The following RUBCN variants were observed in gnomAD, a reference collection of about 807,000 sequenced individuals.
RUBCN encodes run domain Beclin-1-interacting and cysteine-rich domain-containing protein.
RUBCN carries 74 observed loss-of-function variants against 113.2 expected under a neutral mutation model. That is an observed-to-expected ratio of 0.65 (90% CI 0.54 to 0.79). The LOEUF is 0.79. Among genes scored for constraint, RUBCN ranks in the 30% least tolerant of loss-of-function variants. The pLI is 0.00. For missense variants in RUBCN, 1,109 were observed against 1,251.7 expected (o/e 0.89, Z 1.72); for synonymous variants, 480 against 490.0 (o/e 0.98, Z 0.27).
chr3:197,677,948 T>G (rs191571931), intron 16 of RUBCN, among the ~76,000 whole-genome samples: 1,061 of 143,358 alleles, frequency 7.4e-3, no homozygotes, highest in Middle Eastern at 0.035. Flanking sequence ...TGTCCTACGC[T>G]CTAACTCGAC....
rs1379570152 is a variant in RUBCN, at chr3:197,673,255, T to G, written c.*1763A>C. Reference sequence around the variant, plus strand: ...AGATCCCAACTTTGAGGCAGAGGAATCAAGGGCAGGGGCCAGTTCCCACAT... The same window carrying G: ...AGATCCCAACTTTGAGGCAGAGGAAGCAAGGGCAGGGGCCAGTTCCCACAT... On this transcript the variant is annotated 3_prime_UTR_variant, in exon 20 of 20. Transcript: ENST00000296343. 1 of 152,320 alleles carries G rather than the reference T, an allele frequency of 6.6e-6. No homozygotes were observed. Among genetic ancestry groups the G allele is most frequent in the African/African-American group, 2.4e-5 (1 of 41,432 alleles). The allele number at this position is 152,320 out of a possible 1,614,324, so 9.4% of individuals were successfully genotyped here.
intron 2 of RUBCN, among the ~76,000 whole-genome samples, chr3:197,707,580 TAAAAAGG>T (rs942205988): frequency 1.3e-5 from 2 of 152,052 alleles, no homozygotes; most frequent in Non-Finnish European, 2.9e-5. Flanking sequence ...ATTGAAGAGT[TAAAAAGG>T]AAAAAGGAAA....
intron 1 of RUBCN, among the ~76,000 whole-genome samples, chr3:197,743,324 T>C (rs1244495350): frequency 6.6e-6 from 1 of 152,002 alleles, no homozygotes; most frequent in Non-Finnish European, 1.5e-5. Context: ...TAGCACAGTG[T>C]CTTGAGTTTC....
Position 197,700,655 on chromosome 3 carries a change from G to T in RUBCN, c.1219C>A (p.Arg407Ser). The change falls in exon 7 of 20, where the codon CGC becomes AGC. Residue 407 changes from arginine to serine, a missense_variant. Physicochemically the swap from Arg to Ser is moderately radical, Grantham distance 110 (BLOSUM62 -1). This residue lies in a region of RUBCN where 736 missense variants were observed against 779.6 expected (regional missense o/e 0.94). Transcript: ENST00000296343. ...GCAATGCTGGTATCCGAATGGGAGCGAATGTGGCTTTTCTTTGCCCCACTG... is the reference window on the plus strand; with the variant it reads ...GCAATGCTGGTATCCGAATGGGAGCTAATGTGGCTTTTCTTTGCCCCACTG... ...VTSGAKKSHI[R>S]SHSDTSIASR... 1 of 1,614,082 alleles carries T rather than the reference G, an allele frequency of 6.2e-7. No homozygotes were observed. The highest frequency in any genetic ancestry group is 8.5e-7 in the Non-Finnish European group (1 of 1,179,988).
Position 197,700,970 on chromosome 3 carries a change from G to C in RUBCN, c.904C>G (p.Pro302Ala), listed in dbSNP as rs749420563. ...NEMSSSTLTS[P>A]IEASWVSSQN... ...CTGCTGACCCAGGATGCCTCTATGG[G>C]GCTGGTCAGAGTACTGGAGCTCATT... The change falls in exon 7 of 20, where the codon CCC (proline) becomes GCC (alanine). Residue 302 changes from proline to alanine, a missense_variant. Physicochemically the swap from Pro to Ala is conservative, Grantham distance 27. Transcript: ENST00000296343. 3 of 1,614,202 alleles carry C rather than the reference G, an allele frequency of 1.9e-6. No individual in the cohort carries two copies. Among genetic ancestry groups the C allele is most frequent in the Admixed American group, 1.7e-5 (1 of 60,022 alleles).
Position 197,669,095 on chromosome 3 carries a change from A to T in RUBCN, c.*5923T>A, listed in dbSNP as rs1475. ...CTTAATCTGGAATAATTTTAGATCC[A>T]CAGTAAAGTTGCAAAGATAGTACAA... On this transcript the variant is annotated 3_prime_UTR_variant, in exon 20 of 20. Coordinates refer to ENST00000296343, the MANE Select transcript of RUBCN (RefSeq NM_014687.4). 2.4e-4 allele frequency among the ~76,000 whole-genome samples: 36 copies of T among 152,314 alleles called. No individual in the cohort carries two copies. The highest frequency in any genetic ancestry group is 4.6e-4 in the Non-Finnish European group (31 of 68,038).
intron 11 of RUBCN, among the ~76,000 whole-genome samples, chr3:197,686,476 G>A (rs1168704312): frequency 1.3e-5 from 2 of 152,176 alleles, no homozygotes; most frequent in Admixed American, 6.5e-5. Context: ...CGTCAAAGGG[G>A]CCATGACCCC....
chr3:197,744,050 T>C (rs767907068), intron 1 of RUBCN, among the ~76,000 whole-genome samples: 1 of 151,492 alleles, frequency 6.6e-6, no homozygotes, highest in South Asian at 2.1e-4. Flanking sequence ...ATACATATTA[T>C]CTATATATCA....
chr3:197,676,400 G>A (rs1389177457), intron 18 of RUBCN: 6 of 825,726 alleles, frequency 7.3e-6, no homozygotes, highest in East Asian at 1.0e-4. Context: ...TGCAACCTCC[G>A]CCTCCTGGAT....
intron 7 of RUBCN, 125 bp from the exon 8 acceptor site, chr3:197,697,174 G>A (rs757372972): frequency 3.2e-5 from 22 of 677,758 alleles, no homozygotes; most frequent in Admixed American, 2.2e-4. Context: ...GGAGAGAGGC[G>A]GCACACCAAC....
At chr3:197,706,943 A>C (rs2108924522) in intron 2 of RUBCN, among the ~76,000 whole-genome samples, 1 of 152,096 alleles carries the variant, frequency 6.6e-6, no homozygotes, top group Non-Finnish European at 1.5e-5. Context: ...TGCGGCAGGG[A>C]CTCTGGTATC....
At chr3:197,712,522 G>C (rs866884857) in intron 2 of RUBCN, among the ~76,000 whole-genome samples, 2 of 152,140 alleles carry the variant, frequency 1.3e-5, no homozygotes, top group African/African-American at 4.8e-5. Context: ...GGGAGGAAAT[G>C]AAAGCGAAAA....
chr3:197,669,202 A>G lies in RUBCN; in HGVS notation c.*5816T>C, dbSNP rs1228360278. 6.6e-6 allele frequency among the ~76,000 whole-genome samples: 1 copy of G among 152,332 alleles called. No individual in the cohort carries two copies. Among genetic ancestry groups the G allele is most frequent in the East Asian group, 1.9e-4 (1 of 5,194 alleles). On this transcript the variant is annotated 3_prime_UTR_variant, in exon 20 of 20. Transcript: ENST00000296343. ...TACTGTAGTACTGGACATTTCCCAA[A>G]ACTAAGGAACCAACATTGGTATGTT...
intron 2 of RUBCN, among the ~76,000 whole-genome samples, chr3:197,711,188 C>T (rs1014450584): frequency 6.6e-6 from 1 of 152,206 alleles, no homozygotes; most frequent in Non-Finnish European, 1.5e-5. Flanking sequence ...ATCAAAATAT[C>T]AAATGCACAT....
chr3:197,740,306 CAA>C (rs982593668), upstream of RUBCN, among the ~76,000 whole-genome samples: 9 of 148,722 alleles, frequency 6.1e-5, no homozygotes, highest in Admixed American at 2.7e-4. Flanking sequence ...ACTGAAAATA[CAA>C]AATACAAAAA....
intron 11 of RUBCN, among the ~76,000 whole-genome samples, chr3:197,692,129 G>T (rs1354614610): frequency 6.6e-6 from 1 of 152,014 alleles, no homozygotes; most frequent in Non-Finnish European, 1.5e-5. Context: ...CCAGGGAGGG[G>T]AGAGGGATCG....
chr3:197,684,746 G>A lies in RUBCN; in HGVS notation c.1787-529C>T, dbSNP rs1034553108. On this transcript the variant is annotated intron_variant, in intron 11 of 19. Transcript: ENST00000296343. ...TGTGTGTGTATATATATACACACACGTATATATATACATATATAAAAAACA... is the reference window on the plus strand; with the variant it reads ...TGTGTGTGTATATATATACACACACATATATATATACATATATAAAAAACA... Among the ~76,000 whole-genome samples, 15 of 150,376 alleles carry A rather than the reference G, an allele frequency of 1.0e-4. No individual in the cohort carries two copies. In the East Asian group the frequency reaches 2.5e-3, roughly 26 times the overall value.
intron 2 of RUBCN, among the ~76,000 whole-genome samples, chr3:197,709,924 A>T (rs1357626925): frequency 6.6e-6 from 1 of 151,616 alleles, no homozygotes; most frequent in African/African-American, 2.4e-5. Context: ...TAATCCCAGC[A>T]TTTTGGGAGG....
chr3:197,686,558 G>A (rs1054281957), intron 11 of RUBCN, among the ~76,000 whole-genome samples: 7 of 152,282 alleles, frequency 4.6e-5, no homozygotes, highest in Admixed American at 2.0e-4. Context: ...CTCTCTGGTC[G>A]GTTCAAGCAG....
Sources: gnomAD v4.1 joint callset for allele counts (sites outside exome capture counted in the v4.1 genomes callset) on GRCh38, gnomAD v4.1.1 for gene constraint, gnomAD v4.1.1 regional missense constraint, MANE v1.5 for transcripts, NCBI Gene and HGNC (gene_info 2026-07-23, HGNC 2026-07-21) for gene names.